AVEN: variants seen among roughly 807,000 people sequenced by gnomAD.
AVEN encodes cell death regulator Aven.
A neutral mutation model predicts 38.1 loss-of-function variants in AVEN; 41 were observed. The ratio of observed to expected loss-of-function variants is 1.08; its 90% CI spans 0.84 to 1.40. The LOEUF is 1.40. AVEN is among the 40% of genes most tolerant of loss of function. The pLI is 0.00. For missense variants in AVEN, 605 were observed against 438.8 expected (o/e 1.38, Z -3.38); for synonymous variants, 206 against 171.8 (o/e 1.20, Z -1.56).
chr15:33,886,275 T>C (rs1891695802), intron 2 of AVEN, among the ~76,000 whole-genome samples: 1 of 152,156 alleles, frequency 6.6e-6, no homozygotes, highest in African/African-American at 2.4e-5. Context: ...CCCCATGCTA[T>C]TCGCATGATA....
At position 33,872,701 on chromosome 15, in the gene AVEN, C is replaced by T. The variant is rs1045957110; in HGVS notation, c.517-1671G>A. ...AGTCCTACTGGATAAGTCACCATGT[C>T]AACAGAAATTTAATGTGGAATTTTA... On this transcript the variant is annotated intron_variant, in intron 3 of 5. Coordinates refer to ENST00000306730, the MANE Select transcript of AVEN (RefSeq NM_020371.3). Among the ~76,000 whole-genome samples the T allele has an allele frequency of 7.2e-5, 11 of 152,270 alleles. No homozygotes were observed. In the East Asian group the frequency reaches 2.1e-3, roughly 29 times the overall value.
intron 11 of AVEN, chr15:33,859,192 A>AG (rs2080068208): frequency 5.7e-6 from 1 of 174,332 alleles, no homozygotes; most frequent in Non-Finnish European, 1.2e-5. Context: ...GATGAAGAAG[A>AG]GGGGGGACCT....
chr15:33,880,799 A>G (rs1472464275), intron 2 of AVEN, among the ~76,000 whole-genome samples: 1 of 152,194 alleles, frequency 6.6e-6, no homozygotes, highest in African/African-American at 2.4e-5. Context: ...AGATTAAGAT[A>G]TTGGGGACAT....
At chr15:33,860,105 G>A (rs917271087) in intron 11 of AVEN, among the ~76,000 whole-genome samples, 2 of 151,946 alleles carry the variant, frequency 1.3e-5, no homozygotes, top group African/African-American at 4.8e-5. Context: ...GGAGGGGAGG[G>A]AAAGAATGAT....
chr15:34,019,645 C>A (rs191635784), intron 1 of AVEN, among the ~76,000 whole-genome samples: 1 of 152,322 alleles, frequency 6.6e-6, no homozygotes, highest in East Asian at 1.9e-4. Context: ...TTTTACTGTA[C>A]CTTTTTTATG....
chr15:33,928,954 T>C (rs562574289), intron 2 of AVEN, among the ~76,000 whole-genome samples: 47 of 152,310 alleles, frequency 3.1e-4, no homozygotes, highest in African/African-American at 1.1e-3. Context: ...GTTCCTACTC[T>C]AGAGATGAGA....
intron 1 of AVEN, among the ~76,000 whole-genome samples, chr15:34,006,378 G>A (rs868717887): frequency 1.3e-5 from 2 of 151,468 alleles, no homozygotes; most frequent in Admixed American, 6.6e-5. Flanking sequence ...GAAAACACCA[G>A]CAGGGTTTTG....
At chr15:34,042,559 C>A (rs1316529362), upstream of AVEN, among the ~76,000 whole-genome samples, 1 of 151,808 alleles carries the variant, frequency 6.6e-6, no homozygotes, top group Non-Finnish European at 1.5e-5. Flanking sequence ...CACCACCACG[C>A]CCGGCTAATT....
upstream of AVEN, among the ~76,000 whole-genome samples, chr15:34,039,526 TTAATC>T (rs1335366592): frequency 3.9e-5 from 6 of 152,220 alleles, no homozygotes; most frequent in Non-Finnish European, 7.3e-5. Flanking sequence ...TTTCCTCCGT[TTAATC>T]TAATTTTCAG....
chr15:34,063,391 A>C lies in AVEN; in HGVS notation n.1168T>G. The C allele has an allele frequency of 3.7e-6, 6 of 1,614,092 alleles. No individual in the cohort carries two copies. The highest frequency in any genetic ancestry group is 5.1e-6 in the Non-Finnish European group (6 of 1,180,036). On this transcript the variant is annotated non_coding_transcript_exon_variant, in exon 5 of 12. Coordinates refer to the AVEN transcript ENST00000675287. This position sits in a 1 kb window ranked among gnomAD's most constrained non-coding sequence, Gnocchi z 4.1. ...TACCGGGAAACAGAGAAGCGAACCAAGGACCTGGCTGACCTCCAGGGTTCT... is the reference window on the plus strand; with the variant it reads ...TACCGGGAAACAGAGAAGCGAACCACGGACCTGGCTGACCTCCAGGGTTCT...
chr15:33,923,809 C>T (rs1028855950), intron 2 of AVEN, among the ~76,000 whole-genome samples: 2 of 151,838 alleles, frequency 1.3e-5, no homozygotes, highest in Non-Finnish European at 2.9e-5. Flanking sequence ...CATCCCCATT[C>T]TCACAAGAGC....
intron 1 of AVEN, among the ~76,000 whole-genome samples, chr15:34,020,441 T>G (rs1898155060): frequency 6.6e-6 from 1 of 152,282 alleles, no homozygotes; most frequent in South Asian, 2.1e-4. Flanking sequence ...GAAATTTGGT[T>G]GAAACAATAC....
chr15:34,027,332 T>C lies in AVEN; in HGVS notation c.267+11448A>G, dbSNP rs571368349. On this transcript the variant is annotated intron_variant, in intron 1 of 5. Transcript: ENST00000306730. ...GAGTTCAAAACCAGCCTGGCCAACA[T>C]GGCGAAACTCTGTCTCTACTAAAAA... 6.5e-4 allele frequency among the ~76,000 whole-genome samples: 98 copies of C among 151,870 alleles called. 1 individual carries two copies. In the South Asian group the frequency reaches 0.019, roughly 29 times the overall value.
At chr15:33,885,075 A>G (rs1891649430) in intron 2 of AVEN, among the ~76,000 whole-genome samples, 1 of 152,050 alleles carries the variant, frequency 6.6e-6, no homozygotes, top group Admixed American at 6.5e-5. Flanking sequence ...ATCTTCCTTT[A>G]TCTATCCCAC....
At chr15:33,905,171 A>G (rs987107662) in intron 2 of AVEN, among the ~76,000 whole-genome samples, 2 of 150,502 alleles carry the variant, frequency 1.3e-5, no homozygotes, top group African/African-American at 2.4e-5. Context: ...TTGTTTCCCA[A>G]CTAATTAGGT....
intron 2 of AVEN, among the ~76,000 whole-genome samples, chr15:33,930,343 A>C (rs1161966447): frequency 7.2e-4 from 3 of 4,168 alleles, no homozygotes; most frequent in African/African-American, 9.5e-4. Context: ...ATCTAGGACA[A>C]AAAAAAAAAA....
At chr15:34,034,686 G>A (rs1899034820) in intron 1 of AVEN, among the ~76,000 whole-genome samples, 1 of 152,124 alleles carries the variant, frequency 6.6e-6, no homozygotes, top group South Asian at 2.1e-4. Context: ...AAGTGAAATA[G>A]TGGTCAGTGA....
chr15:34,010,107 C>T (rs867222543), intron 1 of AVEN, among the ~76,000 whole-genome samples: 2 of 152,210 alleles, frequency 1.3e-5, no homozygotes, highest in South Asian at 2.1e-4. Context: ...CTTCAAGCCC[C>T]TACCTTTAAT....
At chr15:33,872,573 C>T (rs1891021648) in intron 3 of AVEN, among the ~76,000 whole-genome samples, 1 of 151,980 alleles carries the variant, frequency 6.6e-6, no homozygotes, top group Non-Finnish European at 1.5e-5. Flanking sequence ...GGAATCTGTG[C>T]CTTTAAAAGC....
Sources: allele counts gnomAD v4.1 joint callset (sites outside exome capture counted in the v4.1 genomes callset), GRCh38; gene constraint gnomAD v4.1.1; non-coding constraint Gnocchi (gnomAD v3.1); transcripts MANE v1.5; gene names NCBI Gene and HGNC (gene_info 2026-07-23, HGNC 2026-07-21).